Variants in NT5DC4 observed in about 807,000 individuals in gnomAD.
NT5DC4 encodes 5'-nucleotidase domain containing 4, also known as 5'-nucleotidase domain-containing protein 4.
Under a neutral mutation model 26.6 loss-of-function variants are expected in NT5DC4, and 44 were observed. The observed-to-expected ratio is 1.65, with a 90% CI of 1.30 to 2.13. The LOEUF (loss-of-function observed/expected upper bound fraction) is 2.13. Ranked by LOEUF, NT5DC4 falls within the 30% of genes most tolerant of loss-of-function variation. The pLI is 0.00. For missense variants in NT5DC4, 399 were observed against 228.1 expected (o/e 1.75, Z -4.83); for synonymous variants, 157 against 86.7 (o/e 1.81, Z -4.51).
At chr2:112,740,760 C>T (rs17042317), downstream of NT5DC4, 9,283 of 1,406,586 alleles carry the variant, frequency 6.6e-3, 496 homozygotes, top group African/African-American at 0.12. Flanking sequence ...AAGGAAAAAT[C>T]GAGACTTGGA....
intron 13 of NT5DC4, 26 bp from the exon 14 acceptor site, chr2:112,726,212 C>G (rs765215000): frequency 1.4e-6 from 1 of 717,228 alleles, no homozygotes; most frequent in South Asian, 1.5e-5. Flanking sequence ...GTCACTCACC[C>G]CCACTGACCC....
intron 15 of NT5DC4, 43 bp downstream of exon 15, chr2:112,726,781 C>T (rs577835530): frequency 5.3e-5 from 38 of 716,956 alleles, no homozygotes; most frequent in East Asian, 1.1e-4. Context: ...CCAGCAGGGG[C>T]GGAGCCGGGT....
chr2:112,724,790 T>C lies in NT5DC4; in HGVS notation c.799T>C (p.Ser267Pro), dbSNP rs1199876888. Residue 267 changes from serine to proline, a missense_variant, in exon 11 of 17, where the codon TCG (serine) becomes CCG (proline). Transcript: ENST00000688554. Reference sequence around the variant, plus strand: ...TGTGCACCCCCAACAGGCTGAAGCCTCGGGCAGGCCCTGGAGGTCCTACTT... The same window carrying C: ...TGTGCACCCCCAACAGGCTGAAGCCCCGGGCAGGCCCTGGAGGTCCTACTT... ...YLFSISEAEA[S>P]GRPWRSYFDL... 1 of 717,078 alleles carries C rather than the reference T, an allele frequency of 1.4e-6. No individual in the cohort carries two copies. The highest frequency in any genetic ancestry group is 2.0e-5 in the Admixed American group (1 of 50,002). 44.4% of individuals were successfully genotyped at this position (717,078 alleles called of 1,614,324 possible).
chr2:112,738,001 A>G (rs1679454911), intron 16 of NT5DC4: 2 of 152,200 alleles, frequency 1.3e-5, no homozygotes, highest in Non-Finnish European at 2.9e-5. Context: ...CTTTCCACAA[A>G]TAGTTGCCCA....
rs1327679991 is a variant in NT5DC4 at position 112,723,132 on chromosome 2, C to T, written c.579C>T (p.Leu193=). 2 of 717,228 alleles carry T rather than the reference C, an allele frequency of 2.8e-6. No individual in the cohort carries two copies. Among genetic ancestry groups the T allele is most frequent in the African/African-American group, 1.7e-5 (1 of 57,226 alleles). The allele number at this position is 717,228 out of a possible 1,614,324, so 44.4% of individuals were successfully genotyped here. A position where few individuals can be genotyped will look rare whatever the true frequency, so the allele number is the denominator to read the frequency against. The change falls in exon 7 of 17, where the codon CTC becomes CTT. Residue 193 remains leucine (L), a synonymous_variant. Coordinates refer to ENST00000688554, the MANE Select transcript of NT5DC4 (RefSeq NM_001393655.1). ...HGNLFMSFRS[L]FQDVTDAMNN... Reference sequence around the variant, plus strand: ...ACCTCTTCATGTCCTTCCGAAGCCTCTTCCAGGATGTGACTGATGCCATGA... The same window carrying T: ...ACCTCTTCATGTCCTTCCGAAGCCTTTTCCAGGATGTGACTGATGCCATGA...
At chr2:112,737,248 T>C (rs2104824631) in intron 16 of NT5DC4, 1 of 152,266 alleles carries the variant, frequency 6.6e-6, no homozygotes, top group East Asian at 1.9e-4. Flanking sequence ...GGTACATACT[T>C]ACTCAGAAGA....
intron 1 of NT5DC4, 50 bp from the exon 2 acceptor site, chr2:112,721,768 A>G: frequency 1.4e-6 from 1 of 716,848 alleles, no homozygotes. Flanking sequence ...TGGGCCTTGG[A>G]TTCTGGGGGG....
At chr2:112,730,321 A>AAAT (rs1678331367) in intron 16 of NT5DC4, among the ~76,000 whole-genome samples, 1 of 150,976 alleles carries the variant, frequency 6.6e-6, no homozygotes, top group South Asian at 2.1e-4. Context: ...AAAAAAAAAA[A>AAAT]AAAAAAAAAA....
chr2:112,722,866 G>C, intron 6 of NT5DC4, 95 bp downstream of exon 6: 1 of 710,224 alleles, frequency 1.4e-6, no homozygotes. Context: ...CTCCCCAAGA[G>C]GCTGGAAGGG....
chr2:112,738,949 CA>C lies in NT5DC4; in HGVS notation c.*14del, dbSNP rs1485863547. On this transcript the variant is annotated 3_prime_UTR_variant, in exon 17 of 17. Transcript: ENST00000688554. ...AAGCCACTACTAAATCGTGTTCCTG[CA>C]GCATTTCTGGGTAGCGGGACACTGC... 1.2e-6 allele frequency: 2 copies of C among 1,614,186 alleles called. No homozygotes were observed. The highest frequency in any genetic ancestry group is 3.3e-5 in the Admixed American group (2 of 60,016).
chr2:112,737,810 C>A (rs1199144672), intron 16 of NT5DC4: 1 of 152,114 alleles, frequency 6.6e-6, no homozygotes, highest in Non-Finnish European at 1.5e-5. Context: ...AGACAAACTC[C>A]TAATTCTCTA....
In NT5DC4 at chr2:112,726,302, C is replaced by T. The variant is rs1313127285; in HGVS notation, c.1205+13C>T. ...CAGACATATACCAGTGAGACCCTGG[C>T]CTTTCTGGGGGTGGGATGGGGCAGG... On this transcript the variant is annotated intron_variant, in intron 14 of 16. Transcript: ENST00000688554. 2.4e-5 allele frequency: 17 copies of T among 717,086 alleles called. No individual in the cohort carries two copies. The East Asian group carries it at 2.7e-4, about 11-fold the overall frequency. 44.4% of individuals were successfully genotyped at this position (717,086 alleles called of 1,614,324 possible).
chr2:112,719,936 T>TTCTTTC (rs1553430214), upstream of NT5DC4, among the ~76,000 whole-genome samples: 35 of 76,256 alleles, frequency 4.6e-4, no homozygotes, highest in South Asian at 2.6e-3. Flanking sequence ...CTTTCTTTCT[T>TTCTTTC]TCTTTCTTTC....
intron 15 of NT5DC4, chr2:112,727,178 A>G (rs7600918): frequency 0.98 from 206,116 of 211,380 alleles, 100,710 homozygotes; most frequent in East Asian, 1. Flanking sequence ...CCCATGGGTC[A>G]GCCAGGTGGA....
chr2:112,742,555 T>G, downstream of NT5DC4: 2 of 708,928 alleles, frequency 2.8e-6, no homozygotes, highest in Non-Finnish European at 5.3e-6. Context: ...ATAAGTCAGC[T>G]GATGACAATG....
chr2:112,719,889 CCTTTCTTT>C (rs72291339), upstream of NT5DC4, among the ~76,000 whole-genome samples: 2 of 77,340 alleles, frequency 2.6e-5, no homozygotes, highest in South Asian at 5.2e-4. Flanking sequence ...TTCTTTCTTT[CCTTTCTTT>C]CTTTCTTTTT....
chr2:112,722,809 T>G (rs534937870), intron 6 of NT5DC4, 38 bp downstream of exon 6: 1 of 711,972 alleles, frequency 1.4e-6, no homozygotes, highest in Admixed American at 2.0e-5. Flanking sequence ...GGACGACCAG[T>G]AGGACACTGC....
intron 16 of NT5DC4, chr2:112,730,960 T>TA (rs1249860173): frequency 6.6e-6 from 1 of 152,146 alleles, no homozygotes; most frequent in Non-Finnish European, 1.5e-5. Flanking sequence ...GATCCCTCTA[T>TA]ATCCTCACCC....
chr2:112,723,003 C>T, intron 6 of NT5DC4, 78 bp from the exon 7 acceptor site: 1 of 656,698 alleles, frequency 1.5e-6, no homozygotes, highest in Admixed American at 2.4e-5. Flanking sequence ...GGTGGGGTTG[C>T]TCTGGTGTGG....
Sources: gnomAD v4.1 joint callset for allele counts (sites outside exome capture counted in the v4.1 genomes callset) on GRCh38, gnomAD v4.1.1 for gene constraint, MANE v1.5 for transcripts, NCBI Gene and HGNC (gene_info 2026-07-23, HGNC 2026-07-21) for gene names.